Variants in WWOX observed in about 807,000 individuals in gnomAD.
WWOX encodes the protein WW domain-containing oxidoreductase.
Under a neutral mutation model 46.2 loss-of-function variants are expected in WWOX, and 69 were observed. The ratio of observed to expected loss-of-function variants is 1.49; its 90% CI spans 1.23 to 1.82. The LOEUF is 1.82. WWOX is among the 40% of genes most tolerant of loss of function. The probability of loss-of-function intolerance (pLI) is 0.00; values close to 1 mark genes in which losing one functional copy is unlikely to be tolerated. For missense variants in WWOX, 919 were observed against 542.6 expected, an observed-to-expected ratio of 1.69 and a Z score of -6.89; for synonymous variants, 359 against 202.6, an observed-to-expected ratio of 1.77 and a Z score of -6.56.
intron 8 of WWOX, among the ~76,000 whole-genome samples, chr16:78,792,019 C>T (rs111832831): frequency 6.6e-6 from 1 of 152,028 alleles, no homozygotes; most frequent in East Asian, 1.9e-4. Flanking sequence ...TGGACATTCC[C>T]TTATTTCACC....
intron 8 of WWOX, among the ~76,000 whole-genome samples, chr16:79,190,394 A>G (rs996896722): frequency 1.3e-5 from 2 of 152,140 alleles, no homozygotes; most frequent in African/African-American, 4.8e-5. Context: ...ATTCCTGCCT[A>G]AGGTCTGGAT....
chr16:78,147,698 A>ATTT (rs2034254795), intron 4 of WWOX, among the ~76,000 whole-genome samples: 5,557 of 50,266 alleles, frequency 0.11, 103 homozygotes, highest in Non-Finnish European at 0.16. Context: ...TTTTTTTTTA[A>ATTT]AAAAAAAAAA....
At chr16:78,569,210 C>G (rs1166428622) in intron 8 of WWOX, among the ~76,000 whole-genome samples, 1 of 152,202 alleles carries the variant, frequency 6.6e-6, no homozygotes, top group Admixed American at 6.5e-5. Context: ...CTGTTTCCCA[C>G]TGAGAAGAAT....
intron 8 of WWOX, among the ~76,000 whole-genome samples, chr16:78,613,754 G>A (rs747951366): frequency 3.9e-5 from 6 of 152,122 alleles, no homozygotes; most frequent in South Asian, 2.1e-4. Flanking sequence ...TCCAAAATGG[G>A]AACAAGATCC....
intron 5 of WWOX, among the ~76,000 whole-genome samples, chr16:78,222,973 G>C (rs535675152): frequency 2.5e-4 from 38 of 152,300 alleles, no homozygotes; most frequent in African/African-American, 7.9e-4. Flanking sequence ...AGGGGAGCCA[G>C]AGGAATGCAG....
At chr16:78,121,666 G>A (rs1197456549) in intron 4 of WWOX, among the ~76,000 whole-genome samples, 1 of 145,160 alleles carries the variant, frequency 6.9e-6, no homozygotes, top group Non-Finnish European at 1.5e-5. Flanking sequence ...TGGTGTTTCA[G>A]TTTTTTTTTT....
intron 5 of WWOX, among the ~76,000 whole-genome samples, chr16:78,261,590 C>T (rs1236845410): frequency 6.7e-6 from 1 of 149,874 alleles, no homozygotes; most frequent in Admixed American, 6.6e-5. Context: ...AAGCATTTGT[C>T]CTTTTAACCT....
intron 8 of WWOX, among the ~76,000 whole-genome samples, chr16:78,913,012 G>A (rs541081225): frequency 1.6e-4 from 24 of 152,126 alleles, no homozygotes; most frequent in African/African-American, 5.5e-4. Context: ...TCCATCTCTC[G>A]AGTTGTCTCA....
intron 8 of WWOX, among the ~76,000 whole-genome samples, chr16:78,555,869 C>G (rs1351375353): frequency 6.6e-6 from 1 of 152,086 alleles, no homozygotes; most frequent in Non-Finnish European, 1.5e-5. Flanking sequence ...TTATCACAAT[C>G]TCTGCAGAAT....
intron 5 of WWOX, among the ~76,000 whole-genome samples, chr16:78,181,537 C>T (rs754635711): frequency 3.6e-4 from 54 of 152,098 alleles, no homozygotes; most frequent in Non-Finnish European, 5.9e-4. Context: ...AAGGCCGGAG[C>T]GGGTGGCACA....
intron 8 of WWOX, among the ~76,000 whole-genome samples, chr16:78,508,077 A>C (rs2085261279): frequency 6.6e-6 from 1 of 151,256 alleles, no homozygotes; most frequent in African/African-American, 2.4e-5. Flanking sequence ...GCATGATCTT[A>C]GCTCACTGCA....
At chr16:78,785,190 A>G (rs1310661246) in intron 8 of WWOX, among the ~76,000 whole-genome samples, 1 of 152,218 alleles carries the variant, frequency 6.6e-6, no homozygotes, top group Non-Finnish European at 1.5e-5. Flanking sequence ...GCAAAGTAAG[A>G]TGAAGTGTCT....
intron 8 of WWOX, among the ~76,000 whole-genome samples, chr16:78,718,654 G>A (rs1260515677): frequency 4.6e-5 from 7 of 152,058 alleles, no homozygotes; most frequent in Admixed American, 4.6e-4. Context: ...GCTACCCTGA[G>A]CTATGATCAC....
At chr16:78,629,021 A>C (rs1030512319) in intron 8 of WWOX, among the ~76,000 whole-genome samples, 5 of 152,186 alleles carry the variant, frequency 3.3e-5, no homozygotes, top group Non-Finnish European at 2.9e-5. Context: ...CCCGTTCCAA[A>C]AACTGGATTT....
Position 79,033,852 on chromosome 16 carries a change from A to C in WWOX, c.1057-177756A>C, listed in dbSNP as rs112498132. On this transcript the variant is annotated intron_variant, in intron 8 of 8. Transcript: ENST00000566780. ...CTTTTGTGGCTGACTTATTTATGAT[A>C]CTGGATTCTCAGCATCATGGGAGTT... Among the ~76,000 whole-genome samples the C allele has an allele frequency of 5.2e-4, 79 of 152,326 alleles. 1 individual carries two copies. Among genetic ancestry groups the C allele is most frequent in the African/African-American group, 1.9e-3 (78 of 41,584 alleles).
At chr16:78,214,438 T>C (rs1051818636) in intron 5 of WWOX, among the ~76,000 whole-genome samples, 1 of 152,284 alleles carries the variant, frequency 6.6e-6, no homozygotes, top group African/African-American at 2.4e-5. Context: ...ACAATCGAAG[T>C]CTGCTGCTGT....
intron 8 of WWOX, among the ~76,000 whole-genome samples, chr16:79,119,453 G>C (rs139965821): frequency 6.6e-6 from 1 of 152,330 alleles, no homozygotes; most frequent in South Asian, 2.1e-4. Flanking sequence ...CAAAATCGGA[G>C]TGCCATCCGC....
intron 8 of WWOX, among the ~76,000 whole-genome samples, chr16:79,169,096 C>T (rs1185938199): frequency 6.6e-6 from 1 of 152,184 alleles, no homozygotes; most frequent in Non-Finnish European, 1.5e-5. Flanking sequence ...CATGATCCCA[C>T]TTAATCCTCC....
chr16:78,474,034 T>C (rs1252155974), intron 8 of WWOX, among the ~76,000 whole-genome samples: 1 of 152,166 alleles, frequency 6.6e-6, no homozygotes, highest in South Asian at 2.1e-4. Flanking sequence ...GATTTAAATG[T>C]GATAATAAGA....
Sources: allele counts gnomAD v4.1 joint callset (sites outside exome capture counted in the v4.1 genomes callset), GRCh38; gene constraint gnomAD v4.1.1; transcripts MANE v1.5; gene names NCBI Gene and HGNC (gene_info 2026-07-23, HGNC 2026-07-21).